Variants in PEBP4 observed in about 807,000 individuals in gnomAD.
PEBP4 encodes the protein phosphatidylethanolamine binding protein 4.
Under a neutral mutation model 23.9 loss-of-function variants are expected in PEBP4, and 22 were observed. That is an observed-to-expected ratio of 0.92 (90% CI 0.66 to 1.31). The LOEUF is 1.31. PEBP4 is among the 40% of genes most tolerant of loss of function. The pLI is 0.00. For synonymous variants in PEBP4, 112 were observed against 99.3 expected, an observed-to-expected ratio of 1.13 and a Z score of -0.76; for missense variants, 324 against 281.7, an observed-to-expected ratio of 1.15 and a Z score of -1.07.
intron 4 of PEBP4, among the ~76,000 whole-genome samples, chr8:22,777,573 C>T (rs188135538): frequency 6.6e-6 from 1 of 152,160 alleles, no homozygotes; most frequent in African/African-American, 2.4e-5. Flanking sequence ...AGGACACTTA[C>T]CCCCTGGCTG....
At chr8:22,793,193 T>A (rs770884004) in intron 4 of PEBP4, among the ~76,000 whole-genome samples, 1 of 152,186 alleles carries the variant, frequency 6.6e-6, no homozygotes, top group Non-Finnish European at 1.5e-5. Flanking sequence ...GCTTTTTCTT[T>A]TCATGTAAAA....
intron 6 of PEBP4, among the ~76,000 whole-genome samples, chr8:22,716,732 C>T (rs1454865351): frequency 2.0e-5 from 3 of 152,168 alleles, no homozygotes; most frequent in East Asian, 1.9e-4. Flanking sequence ...AGGTGCTCTG[C>T]CACATCCAGC....
intron 5 of PEBP4, among the ~76,000 whole-genome samples, chr8:22,725,999 A>ATGTGTGTGTGTGTGTGTGTGTG (rs10680983): frequency 1.4e-5 from 2 of 146,330 alleles, no homozygotes; most frequent in Non-Finnish European, 3.0e-5. Flanking sequence ...GATCAGATAT[A>ATGTGTGTGTGTGTGTGTGTGTG]TGTGTGTGTG....
chr8:22,723,842 G>A (rs763369037), intron 6 of PEBP4, among the ~76,000 whole-genome samples: 11 of 152,174 alleles, frequency 7.2e-5, no homozygotes, highest in East Asian at 1.9e-4. Context: ...GGGCCCTGTC[G>A]CTCAACCTGT....
chr8:22,826,030 G>T (rs1189373215), intron 3 of PEBP4, among the ~76,000 whole-genome samples: 1 of 152,192 alleles, frequency 6.6e-6, no homozygotes, highest in Non-Finnish European at 1.5e-5. Flanking sequence ...GGGTTGGCGT[G>T]GGGTGGTGGG....
intron 3 of PEBP4, among the ~76,000 whole-genome samples, chr8:22,850,717 G>A (rs1807533870): frequency 6.6e-6 from 1 of 152,202 alleles, no homozygotes; most frequent in Non-Finnish European, 1.5e-5. Flanking sequence ...GTTTGAAAAT[G>A]AAATGAAATC....
intron 4 of PEBP4, 75 bp downstream of exon 4, chr8:22,817,562 G>T: frequency 7.4e-7 from 1 of 1,360,306 alleles, no homozygotes; most frequent in Non-Finnish European, 1.0e-6. Flanking sequence ...TGGATGAGAG[G>T]TGGGAACTGC....
chr8:22,826,649 C>T (rs541159088), intron 3 of PEBP4, among the ~76,000 whole-genome samples: 9 of 152,228 alleles, frequency 5.9e-5, no homozygotes, highest in East Asian at 1.9e-4. Context: ...AAAAGCAAGG[C>T]GCAGAACAGC....
chr8:22,900,297 C>T (rs1563254162), intron 3 of PEBP4, among the ~76,000 whole-genome samples: 1 of 152,186 alleles, frequency 6.6e-6, no homozygotes, highest in Non-Finnish European at 1.5e-5. Flanking sequence ...TCCAAATACT[C>T]TAATTGGTTC....
intron 4 of PEBP4, among the ~76,000 whole-genome samples, chr8:22,785,604 A>G (rs1330570862): frequency 6.6e-6 from 1 of 152,150 alleles, no homozygotes; most frequent in African/African-American, 2.4e-5. Flanking sequence ...AGAGGGAGGC[A>G]GGGGTGATCC....
chr8:22,838,609 C>T (rs1000617066), intron 3 of PEBP4, among the ~76,000 whole-genome samples: 6 of 152,232 alleles, frequency 3.9e-5, no homozygotes, highest in African/African-American at 1.4e-4. Flanking sequence ...TGGCTAGGGC[C>T]GGCAAGTTCA....
chr8:22,749,724 A>G (rs1051195116), intron 4 of PEBP4, among the ~76,000 whole-genome samples: 9 of 151,260 alleles, frequency 6.0e-5, no homozygotes, highest in Non-Finnish European at 1.2e-4. Flanking sequence ...GAGCAAATTC[A>G]GGGCCACGGC....
At chr8:22,925,376 G>A (rs1307392235) in intron 2 of PEBP4, 1 of 956,802 alleles carries the variant, frequency 1.0e-6, no homozygotes, top group African/African-American at 1.8e-5. Context: ...GAAAGAGCGT[G>A]AGTGTGGAGT....
intron 4 of PEBP4, among the ~76,000 whole-genome samples, chr8:22,800,353 C>T (rs1211275094): frequency 1.3e-5 from 2 of 151,964 alleles, no homozygotes; most frequent in African/African-American, 4.8e-5. Context: ...TGATAAGCTT[C>T]TATGACCCTG....
chr8:22,868,141 G>T (rs555632172), intron 3 of PEBP4, among the ~76,000 whole-genome samples: 1 of 152,292 alleles, frequency 6.6e-6, no homozygotes, highest in East Asian at 1.9e-4. Context: ...AGTAGAGAGG[G>T]AAGACAGACC....
At chr8:22,890,835 T>C (rs1399940171) in intron 3 of PEBP4, among the ~76,000 whole-genome samples, 1 of 152,186 alleles carries the variant, frequency 6.6e-6, no homozygotes, top group Non-Finnish European at 1.5e-5. Context: ...CCCCTTTTCT[T>C]TTTTTTATTT....
rs529714883 is a variant in PEBP4, at chr8:22,774,265, C to T, written c.357+43372G>A. Among the ~76,000 whole-genome samples, 33 of 152,348 alleles carry T rather than the reference C, an allele frequency of 2.2e-4. No individual in the cohort carries two copies. In the East Asian group the frequency reaches 6.4e-3, roughly 29 times the overall value. On this transcript the variant is annotated intron_variant, in intron 4 of 6. Transcript: ENST00000256404. The stretch of plus-strand genomic sequence containing the variant: ...TTTCTCTACTTCCACTTCCTCCCTT[C>T]CTTTTGGGCTTCTGCATCTCACTCA...
At chr8:22,819,483 T>C (rs915083464) in intron 3 of PEBP4, among the ~76,000 whole-genome samples, 4 of 152,194 alleles carry the variant, frequency 2.6e-5, no homozygotes, top group Non-Finnish European at 1.5e-5. Context: ...GAATTGGAGA[T>C]AGCTGTTAGA....
chr8:22,846,899 T>C (rs933454667), intron 3 of PEBP4, among the ~76,000 whole-genome samples: 1 of 152,156 alleles, frequency 6.6e-6, no homozygotes, highest in Non-Finnish European at 1.5e-5. Context: ...CGATGGCTCA[T>C]GCCTCTGATC....
Sources: allele counts gnomAD v4.1 joint callset (sites outside exome capture counted in the v4.1 genomes callset), GRCh38; gene constraint gnomAD v4.1.1; transcripts MANE v1.5; gene names NCBI Gene and HGNC (gene_info 2026-07-23, HGNC 2026-07-21).